SOX5: variants seen among roughly 807,000 people sequenced by gnomAD.
The protein encoded by SOX5 is transcription factor SOX-5.
A neutral mutation model predicts 92.0 loss-of-function variants in SOX5; 9 were observed. That is an observed-to-expected ratio of 0.10 (90% CI 0.06 to 0.17). The LOEUF is 0.17. SOX5 is among the 10% of genes least tolerant of loss of function. The probability of loss-of-function intolerance (pLI) is 1.00; values close to 1 mark genes in which losing one functional copy is unlikely to be tolerated. For synonymous variants in SOX5, 344 were observed against 336.3 expected (o/e 1.02, Z -0.25); for missense variants, 642 against 944.5 (o/e 0.68, Z 4.20).
At chr12:24,524,768 A>T (rs1239214973) in intron 1 of SOX5, among the ~76,000 whole-genome samples, 2 of 152,186 alleles carry the variant, frequency 1.3e-5, no homozygotes, top group Non-Finnish European at 2.9e-5. Flanking sequence ...CATGCCTGTA[A>T]ACCCTTGGGA....
Position 23,578,144 on chromosome 12 carries a change from A to AAAAAAAAAAAAAAAAAAAAAAAAAAAG in SOX5, c.1165-2307_1165-2306insCTTTTTTTTTTTTTTTTTTTTTTTTTT, listed in dbSNP as rs1432589481. Among the ~76,000 whole-genome samples, 8 of 134,908 alleles carry AAAAAAAAAAAAAAAAAAAAAAAAAAAG rather than the reference A, an allele frequency of 5.9e-5. 2 individuals are homozygous for AAAAAAAAAAAAAAAAAAAAAAAAAAAG. Among genetic ancestry groups the AAAAAAAAAAAAAAAAAAAAAAAAAAAG allele is most frequent in the Non-Finnish European group, 1.1e-4 (7 of 61,726 alleles). 88.5% of individuals were successfully genotyped at this position (134,908 alleles called of 152,430 possible). A position where few individuals can be genotyped will look rare whatever the true frequency, so the allele number is the denominator to read the frequency against. ...AAAAAAAAAAAAAAAAAAAAAAAAA[A>AAAAAAAAAAAAAAAAAAAAAAAAAAAG]AAAAAACTATAGGGGCAATATTATC... On this transcript the variant is annotated intron_variant, in intron 9 of 14. Transcript: ENST00000451604.
intron 1 of SOX5, among the ~76,000 whole-genome samples, chr12:24,493,106 A>T (rs1474061492): frequency 6.6e-6 from 1 of 152,014 alleles, no homozygotes; most frequent in East Asian, 1.9e-4. Context: ...TTTTAATCAG[A>T]CTTTGTGAGG....
chr12:23,585,522 A>G (rs1435344125), intron 9 of SOX5, among the ~76,000 whole-genome samples: 1 of 152,190 alleles, frequency 6.6e-6, no homozygotes, highest in Non-Finnish European at 1.5e-5. Flanking sequence ...GTCCAAAAAT[A>G]AGTAAAAATA....
At chr12:24,238,438 AC>A (rs1964938140) in intron 3 of SOX5, among the ~76,000 whole-genome samples, 1 of 152,064 alleles carries the variant, frequency 6.6e-6, no homozygotes. Flanking sequence ...TGTAGCCTCA[AC>A]CCCCCAGGCT....
At chr12:24,297,822 A>G (rs1947450016) in intron 2 of SOX5, among the ~76,000 whole-genome samples, 1 of 152,212 alleles carries the variant, frequency 6.6e-6, no homozygotes, top group African/African-American at 2.4e-5. Context: ...TCTGCTGGGC[A>G]GGAGTAACGA....
chr12:23,690,731 G>A (rs1204125781), intron 6 of SOX5, among the ~76,000 whole-genome samples: 1 of 152,072 alleles, frequency 6.6e-6, no homozygotes, highest in African/African-American at 2.4e-5. Context: ...CTCCTGGCCT[G>A]GCCACTTTTG....
intron 3 of SOX5, among the ~76,000 whole-genome samples, chr12:24,233,898 C>T (rs1963923081): frequency 6.6e-6 from 1 of 152,208 alleles, no homozygotes. Flanking sequence ...AGAACTTGTA[C>T]CATGACTTTT....
At chr12:23,707,056 T>C (rs2091473491) in intron 6 of SOX5, among the ~76,000 whole-genome samples, 1 of 152,132 alleles carries the variant, frequency 6.6e-6, no homozygotes, top group South Asian at 2.1e-4. Flanking sequence ...TCAATAATAA[T>C]AAACTAGATT....
intron 4 of SOX5, among the ~76,000 whole-genome samples, chr12:24,150,589 G>T (rs1005155752): frequency 6.6e-6 from 1 of 152,060 alleles, no homozygotes; most frequent in African/African-American, 2.4e-5. Context: ...AACAGAACCG[G>T]CAAGATAATC....
chr12:24,116,433 T>A (rs1411048273), intron 4 of SOX5, among the ~76,000 whole-genome samples: 1 of 152,162 alleles, frequency 6.6e-6, no homozygotes, highest in East Asian at 1.9e-4. Flanking sequence ...CAAGGCAGAT[T>A]TTTGTAAAAA....
At chr12:23,929,390 T>C (rs866849149) in intron 1 of SOX5, among the ~76,000 whole-genome samples, 2 of 151,996 alleles carry the variant, frequency 1.3e-5, no homozygotes, top group Admixed American at 1.3e-4. Context: ...CCCTCATTTT[T>C]TTCCTGAATA....
Position 24,380,733 on chromosome 12 carries a change from A to AT in SOX5, c.-250-12095dup, listed in dbSNP as rs574110195. ...TTAATTGTCCCAGAGTTCTTGATAT[A>AT]TTTTTTTTAAAGGAGGGCACAATGC... On this transcript the variant is annotated intron_variant, in intron 1 of 4. Transcript: ENST00000446891. Among the ~76,000 whole-genome samples the AT allele has an allele frequency of 1.8e-3, 272 of 152,052 alleles. 3 individuals carry two copies. In the South Asian group the frequency reaches 0.031, roughly 17 times the overall value.
At chr12:23,536,015 A>G (rs1448920645) in intron 14 of SOX5, among the ~76,000 whole-genome samples, 2 of 152,196 alleles carry the variant, frequency 1.3e-5, no homozygotes, top group African/African-American at 2.4e-5. Flanking sequence ...CCACACATGT[A>G]CCTTGATAGC....
At chr12:24,432,609 C>A (rs772147686) in intron 1 of SOX5, among the ~76,000 whole-genome samples, 1 of 152,040 alleles carries the variant, frequency 6.6e-6, no homozygotes. Flanking sequence ...GTCAGGAGAT[C>A]GAGACCATCC....
intron 2 of SOX5, among the ~76,000 whole-genome samples, chr12:23,871,744 C>T (rs1384929004): frequency 6.6e-6 from 1 of 151,930 alleles, no homozygotes; most frequent in Non-Finnish European, 1.5e-5. Context: ...CCAATCAAAA[C>T]ATTTTCTTCA....
At chr12:23,581,960 T>C (rs1950101878) in intron 9 of SOX5, among the ~76,000 whole-genome samples, 1 of 152,018 alleles carries the variant, frequency 6.6e-6, no homozygotes, top group African/African-American at 2.4e-5. Context: ...AAAACTGTGA[T>C]TGTCCCCATG....
intron 6 of SOX5, among the ~76,000 whole-genome samples, chr12:23,676,615 A>G (rs1296832451): frequency 3.3e-5 from 5 of 152,216 alleles, no homozygotes; most frequent in Non-Finnish European, 7.3e-5. Context: ...ACCGGGGCAG[A>G]GACTGCAAGT....
chr12:23,595,826 G>T (rs1464398124), intron 9 of SOX5, among the ~76,000 whole-genome samples: 1 of 152,058 alleles, frequency 6.6e-6, no homozygotes, highest in African/African-American at 2.4e-5. Context: ...TACAATGCAA[G>T]CTATTCCAGT....
chr12:24,022,922 A>T (rs1178227844), intron 4 of SOX5, among the ~76,000 whole-genome samples: 2 of 30,276 alleles, frequency 6.6e-5, no homozygotes, highest in East Asian at 2.1e-3. Flanking sequence ...GACCATGGGT[A>T]AAAAAAAAAA....
Sources: allele counts gnomAD v4.1 joint callset (sites outside exome capture counted in the v4.1 genomes callset), GRCh38; gene constraint gnomAD v4.1.1; transcripts MANE v1.5; gene names NCBI Gene and HGNC (gene_info 2026-07-23, HGNC 2026-07-21).